MDFIC: variants seen among roughly 807,000 people sequenced by gnomAD.
MDFIC encodes the protein myoD family inhibitor domain-containing protein.
Under a neutral mutation model 23.2 loss-of-function variants are expected in MDFIC, and 17 were observed. That is an observed-to-expected ratio of 0.73 (90% confidence interval 0.50 to 1.10). The LOEUF is 1.10. Among genes scored for constraint, MDFIC ranks in the 50% least tolerant of loss-of-function variants. MDFIC has a pLI of 0.00. For synonymous variants in MDFIC, 120 were observed against 115.2 expected, an observed-to-expected ratio of 1.04 and a Z score of -0.27; for missense variants, 356 against 316.6, an observed-to-expected ratio of 1.12 and a Z score of -0.95.
At chr7:115,015,408 GGTCATTGCACA>G (rs1203974066) in intron 4 of MDFIC, among the ~76,000 whole-genome samples, 1 of 152,042 alleles carries the variant, frequency 6.6e-6, no homozygotes, top group East Asian at 1.9e-4. Flanking sequence ...TAGGACCAAG[GGTCATTGCACA>G]GTTTGTGAGA....
intron 2 of MDFIC, among the ~76,000 whole-genome samples, chr7:114,929,522 C>T (rs1004197586): frequency 4.6e-5 from 7 of 152,024 alleles, no homozygotes; most frequent in African/African-American, 1.2e-4. Context: ...CTCGCCTAGC[C>T]GGTGGTTGGG....
chr7:114,947,467 C>T (rs1351444314), intron 3 of MDFIC, among the ~76,000 whole-genome samples: 1 of 152,094 alleles, frequency 6.6e-6, no homozygotes, highest in East Asian at 1.9e-4. Flanking sequence ...GGTGGATAAT[C>T]CTAAGTCATT....
At chr7:114,978,439 T>C (rs1054780471) in intron 3 of MDFIC, among the ~76,000 whole-genome samples, 1 of 152,126 alleles carries the variant, frequency 6.6e-6, no homozygotes, top group Non-Finnish European at 1.5e-5. Flanking sequence ...TAGTGTTTTG[T>C]AATTTTTGCC....
intron 4 of MDFIC, among the ~76,000 whole-genome samples, chr7:114,984,394 A>G (rs1793474701): frequency 2.0e-5 from 3 of 152,146 alleles, no homozygotes; most frequent in Non-Finnish European, 4.4e-5. Context: ...ACGTGATACA[A>G]TGCTCTATTC....
intron 4 of MDFIC, among the ~76,000 whole-genome samples, chr7:114,986,592 G>C (rs902696509): frequency 1.3e-5 from 2 of 152,114 alleles, no homozygotes; most frequent in Non-Finnish European, 2.9e-5. Context: ...TGCCTCCACT[G>C]TAATGCATAG....
chr7:115,012,925 G>A (rs1411532104), intron 4 of MDFIC, among the ~76,000 whole-genome samples: 1 of 152,126 alleles, frequency 6.6e-6, no homozygotes, highest in South Asian at 2.1e-4. Context: ...GTTGCAATGA[G>A]CCAAGATCGC....
chr7:114,971,757 A>G (rs1385004124), intron 3 of MDFIC, among the ~76,000 whole-genome samples: 2 of 152,120 alleles, frequency 1.3e-5, no homozygotes, highest in South Asian at 2.1e-4. Context: ...TTGGTTTACT[A>G]TCTGGGGATG....
chr7:114,956,775 A>C (rs896294663), intron 3 of MDFIC, among the ~76,000 whole-genome samples: 10 of 152,178 alleles, frequency 6.6e-5, no homozygotes, highest in Non-Finnish European at 1.5e-4. Flanking sequence ...AGTGCAGCAC[A>C]GATTGAGTAT....
At chr7:115,009,991 G>A (rs932435256) in intron 4 of MDFIC, among the ~76,000 whole-genome samples, 3 of 152,026 alleles carry the variant, frequency 2.0e-5, no homozygotes, top group African/African-American at 7.3e-5. Flanking sequence ...AGAACCAAGT[G>A]GTCTTCTCAG....
At position 114,922,455 on chromosome 7, in the gene MDFIC, C is replaced by T. The variant is rs918454434; in HGVS notation, c.-289C>T. 1.6e-6 allele frequency: 2 copies of T among 1,245,078 alleles called. No individual in the cohort carries two copies. The highest frequency in any genetic ancestry group is 3.1e-5 in the East Asian group (1 of 31,768). 77.1% of individuals were successfully genotyped at this position (1,245,078 alleles called of 1,614,324 possible). ...GAGCCGCCACCGCTGCCGCAGTTGC[C>T]GCCACTGCGGCGTCTGGGCTGAGCC... On this transcript the variant is annotated 5_prime_UTR_variant, in exon 1 of 5. Transcript: ENST00000393486.
At position 114,922,356 on chromosome 7, in the gene MDFIC, G is replaced by C. The variant is rs759972065; in HGVS notation, c.-388G>C. On this transcript the variant is annotated 5_prime_UTR_variant, in exon 1 of 5. Transcript: ENST00000393486. ...GGAAGAGGGGAAAGAGAGGCAGAGA[G>C]GGGGAAGGCCCCCTCGCAGGGGAGC... The C allele has an allele frequency of 6.8e-5, 81 of 1,199,880 alleles. No homozygotes were observed. Among genetic ancestry groups the C allele is most frequent in the Middle Eastern group, 6.3e-4 (2 of 3,180 alleles). 74.3% of individuals were successfully genotyped at this position (1,199,880 alleles called of 1,614,324 possible).
At chr7:114,954,914 C>T (rs944523769) in intron 3 of MDFIC, among the ~76,000 whole-genome samples, 2 of 152,164 alleles carry the variant, frequency 1.3e-5, no homozygotes, top group African/African-American at 4.8e-5. Flanking sequence ...TACCACTCCC[C>T]TCACCACTTT....
intron 4 of MDFIC, among the ~76,000 whole-genome samples, chr7:114,986,138 C>T (rs1793509112): frequency 6.6e-6 from 1 of 151,382 alleles, no homozygotes; most frequent in Admixed American, 6.6e-5. Flanking sequence ...CTACAGGAGA[C>T]ATTTGGACCT....
In MDFIC at chr7:115,019,668, C is replaced by G. The variant is rs1439268696; in HGVS notation, c.*3733C>G. On this transcript the variant is annotated 3_prime_UTR_variant, in exon 5 of 5. Transcript: ENST00000393486. ...TTCCAATTACTTGTGATTTGTAGGC[C>G]TGTAGGATTGTTGCATCTAATCTGA... Among the ~76,000 whole-genome samples, 5 of 151,940 alleles carry G rather than the reference C, an allele frequency of 3.3e-5. No individual in the cohort carries two copies. The highest frequency in any genetic ancestry group is 3.3e-4 in the Admixed American group (5 of 15,228).
chr7:114,931,097 A>G (rs1310002530), intron 2 of MDFIC, among the ~76,000 whole-genome samples: 4 of 151,974 alleles, frequency 2.6e-5, no homozygotes, highest in Admixed American at 6.6e-5. Context: ...TTGTCTTTCC[A>G]GTAACACTTT....
intron 2 of MDFIC, among the ~76,000 whole-genome samples, chr7:114,941,662 T>C (rs1241046181): frequency 6.6e-6 from 1 of 152,220 alleles, no homozygotes; most frequent in African/African-American, 2.4e-5. Context: ...GCTTGACTTA[T>C]GTGCCCCAAA....
intron 3 of MDFIC, among the ~76,000 whole-genome samples, chr7:114,943,568 G>A (rs1264404333): frequency 6.6e-6 from 1 of 152,100 alleles, no homozygotes; most frequent in South Asian, 2.1e-4. Context: ...GAATTAGTGA[G>A]GAGGAAGATT....
intron 4 of MDFIC, among the ~76,000 whole-genome samples, chr7:114,981,444 T>C (rs2115969990): frequency 6.6e-6 from 1 of 152,276 alleles, no homozygotes; most frequent in South Asian, 2.1e-4. Flanking sequence ...GATACAGTTT[T>C]ACTCTTCCTC....
intron 2 of MDFIC, among the ~76,000 whole-genome samples, chr7:114,934,813 G>A (rs1792392756): frequency 6.6e-6 from 1 of 152,070 alleles, no homozygotes; most frequent in African/African-American, 2.4e-5. Flanking sequence ...AAATGCTTTG[G>A]TTATCTTAAT....
Sources: gnomAD v4.1 joint callset for allele counts (sites outside exome capture counted in the v4.1 genomes callset) on GRCh38, gnomAD v4.1.1 for gene constraint, MANE v1.5 for transcripts, NCBI Gene and HGNC (gene_info 2026-07-23, HGNC 2026-07-21) for gene names.